SPTLC3: variants seen among roughly 807,000 people sequenced by gnomAD.
SPTLC3 encodes the protein serine palmitoyltransferase 3.
A neutral mutation model predicts 59.3 loss-of-function variants in SPTLC3; 36 were observed. The observed-to-expected ratio is 0.61, with a 90% CI of 0.47 to 0.80. SPTLC3 has a LOEUF of 0.80. Ranked by LOEUF, SPTLC3 falls within the 30% of genes least tolerant of loss-of-function variation. The pLI, the probability that SPTLC3 is intolerant of heterozygous loss-of-function variation, is 0.00. For missense variants in SPTLC3, 625 were observed against 685.1 expected, an observed-to-expected ratio of 0.91 and a Z score of 0.98; for synonymous variants, 257 against 240.8, an observed-to-expected ratio of 1.07 and a Z score of -0.62.
intron 9 of SPTLC3, among the ~76,000 whole-genome samples, chr20:13,128,211 C>G (rs1039606619): frequency 6.6e-6 from 1 of 152,080 alleles, no homozygotes; most frequent in Admixed American, 6.5e-5. Flanking sequence ...CTGAGGTGAT[C>G]GACAAGTATT....
At chr20:13,086,842 G>A (rs1395638647) in intron 4 of SPTLC3, among the ~76,000 whole-genome samples, 1 of 151,756 alleles carries the variant, frequency 6.6e-6, no homozygotes, top group Non-Finnish European at 1.5e-5. Context: ...CACCCAGGCT[G>A]GCATGCAGTG....
In SPTLC3 at chr20:13,166,171, C is replaced by T. The variant is rs1252279035; in HGVS notation, c.*1304C>T. On this transcript the variant is annotated 3_prime_UTR_variant, in exon 12 of 12. Coordinates refer to ENST00000399002, the MANE Select transcript of SPTLC3 (RefSeq NM_018327.4). ...CAGTTCGAATGAGTTGCAGAACATT[C>T]CACTCCATCAAATGACACTGTAAAC... 6.6e-6 allele frequency: 1 copy of T among 152,634 alleles called. No individual in the cohort carries two copies. The highest frequency in any genetic ancestry group is 1.5e-5 in the Non-Finnish European group (1 of 68,046). The allele number at this position is 152,634 out of a possible 1,614,324, so 9.5% of individuals were successfully genotyped here.
At chr20:13,139,740 ACCTCCACC>A (rs1317909233) in intron 9 of SPTLC3, among the ~76,000 whole-genome samples, 1 of 152,076 alleles carries the variant, frequency 6.6e-6, no homozygotes, top group Non-Finnish European at 1.5e-5. Context: ...ACAGTACTTA[ACCTCCACC>A]CAGGACATTC....
intron 1 of SPTLC3, among the ~76,000 whole-genome samples, chr20:13,031,708 C>T (rs1390351187): frequency 2.0e-5 from 3 of 152,126 alleles, no homozygotes; most frequent in Non-Finnish European, 4.4e-5. Context: ...CACAGGTACA[C>T]GCACGTGGAA....
intron 4 of SPTLC3, among the ~76,000 whole-genome samples, chr20:13,088,324 GTTTGTTTTTGTC>G (rs1989074898): frequency 1.3e-5 from 2 of 151,946 alleles, no homozygotes; most frequent in African/African-American, 4.8e-5. Flanking sequence ...TGTTGTTGTT[GTTTGTTTTTGTC>G]TTTGTTTTTG....
chr20:13,136,956 A>G (rs1049141655), intron 9 of SPTLC3, among the ~76,000 whole-genome samples: 1 of 152,064 alleles, frequency 6.6e-6, no homozygotes, highest in Non-Finnish European at 1.5e-5. Flanking sequence ...TCTACTTTCC[A>G]TAGGAAGAAA....
At chr20:13,017,525 C>T (rs1035285962) in intron 1 of SPTLC3, among the ~76,000 whole-genome samples, 1 of 152,136 alleles carries the variant, frequency 6.6e-6, no homozygotes, top group African/African-American at 2.4e-5. Context: ...TCAAGCTTGT[C>T]GACATGTGGC....
chr20:13,028,103 G>A (rs1986249418), intron 1 of SPTLC3, among the ~76,000 whole-genome samples: 1 of 152,100 alleles, frequency 6.6e-6, no homozygotes, highest in African/African-American at 2.4e-5. Context: ...GGAACTCTTG[G>A]GTTCTTGCAA....
chr20:13,123,278 C>G (rs2037910414), intron 8 of SPTLC3, among the ~76,000 whole-genome samples: 1 of 151,670 alleles, frequency 6.6e-6, no homozygotes, highest in East Asian at 1.9e-4. Context: ...TTGCAGTGAG[C>G]CAAGGTCATG....
intron 3 of SPTLC3, chr20:13,074,011 G>A: frequency 3.2e-6 from 2 of 625,710 alleles, no homozygotes; most frequent in South Asian, 2.8e-5. Context: ...AGATAGTCCT[G>A]TCTCCATCCA....
intron 2 of SPTLC3, among the ~76,000 whole-genome samples, chr20:13,063,243 C>G (rs1195612120): frequency 6.6e-6 from 1 of 152,124 alleles, no homozygotes; most frequent in Non-Finnish European, 1.5e-5. Context: ...CTGGCAGTTC[C>G]TATCCTTTGC....
intron 4 of SPTLC3, among the ~76,000 whole-genome samples, chr20:13,077,099 T>A (rs1219222989): frequency 3.3e-5 from 5 of 151,996 alleles, no homozygotes; most frequent in Non-Finnish European, 7.4e-5. Flanking sequence ...CAATTTACAT[T>A]CCACATAAAT....
intron 8 of SPTLC3, among the ~76,000 whole-genome samples, chr20:13,125,279 C>T (rs923016833): frequency 2.0e-5 from 3 of 152,178 alleles, no homozygotes; most frequent in African/African-American, 7.2e-5. Context: ...TGGCTCCTAC[C>T]ACTGAAAACC....
rs772189541 is a variant in SPTLC3 at position 13,126,654 on chromosome 20, C to T, written c.1216C>T (p.Pro406Ser). 1.2e-6 allele frequency: 2 copies of T among 1,613,956 alleles called. No individual in the cohort carries two copies. The highest frequency in any genetic ancestry group is 2.2e-5 in the South Asian group (2 of 91,084). Reference protein sequence around the residue: ...SAVYASSMSPPIAEQIIRSLK... With the variant: ...SAVYASSMSPSIAEQIIRSLK... ...TGTTTATGCTTCATCCATGAGCCCA[C>T]CGATAGCAGAGCAAATCATCAGATC... The change falls in exon 9 of 12, where the codon CCG becomes TCG. Residue 406 changes from proline to serine, a missense_variant. Pro to Ser is a moderately conservative substitution (Grantham distance 74). Coordinates refer to ENST00000399002, the MANE Select transcript of SPTLC3 (RefSeq NM_018327.4).
At chr20:13,110,086 A>ATTT in intron 6 of SPTLC3, 26 bp from the exon 7 acceptor site, 2 of 1,184,724 alleles carry the variant, frequency 1.7e-6, no homozygotes, top group East Asian at 3.0e-5. Flanking sequence ...TCATGACTCA[A>ATTT]TTTTTTTTTT....
chr20:13,126,605 T>C lies in SPTLC3; in HGVS notation c.1167T>C (p.Tyr389=). ...YIAGRKDLVD[Y]LRVHSHSAVY... is the part of the protein sequence containing the mutation. ...CTTTATTTAAGGACCTCGTGGATTA[T>C]TTACGGGTTCACTCGCATAGTGCTG... Residue 389 remains tyrosine, a synonymous_variant, in exon 9 of 12, where the codon TAT becomes TAC. Coordinates refer to ENST00000399002, the MANE Select transcript of SPTLC3 (RefSeq NM_018327.4). 6.2e-7 allele frequency: 1 copy of C among 1,613,868 alleles called. No individual in the cohort carries two copies. Among genetic ancestry groups the C allele is most frequent in the Non-Finnish European group, 8.5e-7 (1 of 1,179,860 alleles).
At chr20:13,016,254 G>C (rs1198002348) in intron 1 of SPTLC3, among the ~76,000 whole-genome samples, 1 of 152,054 alleles carries the variant, frequency 6.6e-6, no homozygotes, top group African/African-American at 2.4e-5. Context: ...AGAAAGAAAA[G>C]TCCATTTTCT....
intron 9 of SPTLC3, among the ~76,000 whole-genome samples, chr20:13,129,068 G>T (rs1236473077): frequency 6.6e-6 from 1 of 151,874 alleles, no homozygotes; most frequent in Non-Finnish European, 1.5e-5. Context: ...TAGAGATGGG[G>T]TCTCGCCAGA....
At chr20:13,144,798 G>A (rs1012639169) in intron 9 of SPTLC3, among the ~76,000 whole-genome samples, 3 of 151,822 alleles carry the variant, frequency 2.0e-5, no homozygotes, top group Non-Finnish European at 4.4e-5. Flanking sequence ...TTTTTGAGAC[G>A]GAGTCTCGCT....
Sources: gnomAD v4.1 joint callset for allele counts (sites outside exome capture counted in the v4.1 genomes callset) on GRCh38, gnomAD v4.1.1 for gene constraint, MANE v1.5 for transcripts, NCBI Gene and HGNC (gene_info 2026-07-23, HGNC 2026-07-21) for gene names.